The following TDRD12 variants were observed in gnomAD, a reference collection of about 807,000 sequenced individuals.
TDRD12 encodes putative ATP-dependent RNA helicase TDRD12.
Under a neutral mutation model 133.5 loss-of-function variants are expected in TDRD12, and 158 were observed. That is an observed-to-expected ratio of 1.18 (90% CI 1.04 to 1.35). The LOEUF is 1.35. Ranked by LOEUF, TDRD12 falls within the 40% of genes most tolerant of loss-of-function variation. The probability of loss-of-function intolerance (pLI) is 0.00; values close to 1 mark genes in which losing one functional copy is unlikely to be tolerated. For synonymous variants in TDRD12, 460 were observed against 477.9 expected (o/e 0.96, Z 0.49); for missense variants, 1,443 against 1,321.3 (o/e 1.09, Z -1.43).
exon 10 of TDRD12, chr19:32,773,498 A>G: frequency 6.4e-7 from 1 of 1,551,792 alleles, no homozygotes; most frequent in Non-Finnish European, 8.7e-7. Flanking sequence ...AAGAGGCATA[A>G]CCATATATGC....
At chr19:32,748,140 C>T (rs1344093849) in intron 4 of TDRD12, among the ~76,000 whole-genome samples, 2 of 152,182 alleles carry the variant, frequency 1.3e-5, no homozygotes, top group Non-Finnish European at 2.9e-5. Flanking sequence ...CACTCAGGAT[C>T]CCTGTCCCAG....
At chr19:32,786,534 A>C (rs1205156372) in intron 11 of TDRD12, among the ~76,000 whole-genome samples, 3 of 152,130 alleles carry the variant, frequency 2.0e-5, no homozygotes, top group Non-Finnish European at 2.9e-5. Flanking sequence ...ACTTGGCACC[A>C]TTCTCCCCGT....
chr19:32,787,346 G>A (rs1462243710), intron 11 of TDRD12, among the ~76,000 whole-genome samples: 3 of 152,162 alleles, frequency 2.0e-5, no homozygotes, highest in Non-Finnish European at 4.4e-5. Flanking sequence ...CCCCTACTGG[G>A]AGATGTCTCC....
intron 9 of TDRD12, 94 bp downstream of exon 9, chr19:32,772,944 T>C (rs926757266): frequency 1.6e-6 from 1 of 634,672 alleles, no homozygotes; most frequent in Non-Finnish European, 2.4e-6. Context: ...CAAAAATATG[T>C]TTTCTATTAA....
At chr19:32,797,754 G>A (rs1329035510) in exon 15 of TDRD12, 1 of 698,576 alleles carries the variant, frequency 1.4e-6, no homozygotes. Flanking sequence ...GTCATCGTGT[G>A]CCCTGGGTGG....
At chr19:32,758,056 C>T (rs1319828838) in intron 8 of TDRD12, among the ~76,000 whole-genome samples, 2 of 152,162 alleles carry the variant, frequency 1.3e-5, no homozygotes, top group Non-Finnish European at 2.9e-5. Flanking sequence ...TGGGCCTGGC[C>T]GCTGGAGGCT....
intron 13 of TDRD12, 131 bp downstream of exon 13, chr19:32,791,199 AT>A: frequency 9.7e-7 from 1 of 1,032,250 alleles, no homozygotes; most frequent in Non-Finnish European, 1.3e-6. Context: ...TTTATTTGAG[AT>A]TACAGGCATG....
chr19:32,827,108 A>C (rs1327259440), intron 9 of TDRD12, 56 bp from the exon 33 acceptor site: 1 of 983,228 alleles, frequency 1.0e-6, no homozygotes, highest in East Asian at 3.3e-5. Context: ...AATGGGGGGA[A>C]ATAAAGATTT....
chr19:32,817,482 C>T (rs571695209), intron 26 of TDRD12, among the ~76,000 whole-genome samples: 50 of 152,224 alleles, frequency 3.3e-4, no homozygotes, highest in Admixed American at 5.2e-4. Context: ...GCATGGATCA[C>T]CACGTTTCAC....
chr19:32,805,117 C>CA (rs1971505181), intron 21 of TDRD12, among the ~76,000 whole-genome samples: 1 of 150,066 alleles, frequency 6.7e-6, no homozygotes, highest in African/African-American at 2.4e-5. Flanking sequence ...GGGCAACACA[C>CA]AGAGACCCCG....
At chr19:32,728,645 CTTT>C (rs61327045) in intron 1 of TDRD12, among the ~76,000 whole-genome samples, 5 of 129,088 alleles carry the variant, frequency 3.9e-5, no homozygotes, top group Non-Finnish European at 3.2e-5. Flanking sequence ...TTTTCTTTTC[CTTT>C]TTTTTTTTTT....
intron 2 of TDRD12, among the ~76,000 whole-genome samples, chr19:32,733,185 G>A (rs537289688): frequency 1.6e-4 from 25 of 151,886 alleles, no homozygotes; most frequent in African/African-American, 5.6e-4. Context: ...AAAAATATGC[G>A]TAGCCGGGCG....
chr19:32,719,811 G>C (rs1364452748), exon 1 of TDRD12: 4 of 566,870 alleles, frequency 7.1e-6, no homozygotes, highest in Non-Finnish European at 1.3e-5. Context: ...GAGGCCCGAG[G>C]CCAGGCAGGC....
At chr19:32,791,117 A>G in intron 13 of TDRD12, 49 bp downstream of exon 13, 1 of 1,502,516 alleles carries the variant, frequency 6.7e-7, no homozygotes. Context: ...AACTTTTTCT[A>G]ATAGAGAAGG....
At chr19:32,733,853 T>C (rs369273925) in intron 2 of TDRD12, among the ~76,000 whole-genome samples, 3 of 151,880 alleles carry the variant, frequency 2.0e-5, no homozygotes, top group Non-Finnish European at 2.9e-5. Flanking sequence ...AATAACACTG[T>C]TCCTTTTTTA....
intron 13 of TDRD12, among the ~76,000 whole-genome samples, chr19:32,792,856 A>G (rs1971112560): frequency 6.6e-6 from 1 of 152,242 alleles, no homozygotes; most frequent in South Asian, 2.1e-4. Flanking sequence ...GAATGGCTTC[A>G]GATGTCTCCA....
intron 8 of TDRD12, among the ~76,000 whole-genome samples, chr19:32,759,145 T>A (rs1439251973): frequency 6.6e-6 from 1 of 152,130 alleles, no homozygotes; most frequent in Non-Finnish European, 1.5e-5. Context: ...AAGAACTTAT[T>A]TGCTGCATGA....
chr19:32,811,312 C>T, exon 24 of TDRD12: 1 of 1,536,096 alleles, frequency 6.5e-7, no homozygotes, highest in Non-Finnish European at 8.7e-7. Flanking sequence ...TCACAAGGGA[C>T]CAGCTGCTGC....
chr19:32,809,007 A>T (rs1336229598), intron 22 of TDRD12, among the ~76,000 whole-genome samples: 1 of 151,982 alleles, frequency 6.6e-6, no homozygotes, highest in Non-Finnish European at 1.5e-5. Flanking sequence ...TGACCTTGTT[A>T]CTTTGCTATT....
Sources: allele counts gnomAD v4.1 joint callset (sites outside exome capture counted in the v4.1 genomes callset), GRCh38; gene constraint gnomAD v4.1.1; transcripts MANE v1.5; gene names NCBI Gene and HGNC (gene_info 2026-07-23, HGNC 2026-07-21).